Variants in TRIM44 observed in about 807,000 individuals in gnomAD.
The protein encoded by TRIM44 is tripartite motif containing 44, also known as tripartite motif-containing protein 44.
TRIM44 carries 13 observed loss-of-function variants against 37.4 expected under a neutral mutation model. That is an observed-to-expected ratio of 0.35 (90% CI 0.23 to 0.55). TRIM44 has a LOEUF of 0.55. Among genes scored for constraint, TRIM44 ranks in the 20% least tolerant of loss-of-function variants. The probability of loss-of-function intolerance (pLI) is 0.89; values close to 1 mark genes in which losing one functional copy is unlikely to be tolerated. For synonymous variants in TRIM44, 175 were observed against 157.2 expected (o/e 1.11, Z -0.85); for missense variants, 426 against 437.2 (o/e 0.97, Z 0.23).
At chr11:35,682,155 C>T (rs1834652965) in intron 1 of TRIM44, among the ~76,000 whole-genome samples, 1 of 151,914 alleles carries the variant, frequency 6.6e-6, no homozygotes, top group African/African-American at 2.4e-5. Context: ...CCGTACCACT[C>T]TTCAAGTACC....
chr11:35,794,318 C>T (rs1853254269), intron 4 of TRIM44, among the ~76,000 whole-genome samples: 1 of 152,244 alleles, frequency 6.6e-6, no homozygotes, highest in South Asian at 2.1e-4. Context: ...AGAATCCAAG[C>T]CTGCCTTGAG....
intron 4 of TRIM44, among the ~76,000 whole-genome samples, chr11:35,774,949 G>A (rs962846618): frequency 2.0e-5 from 3 of 152,118 alleles, no homozygotes; most frequent in East Asian, 1.9e-4. Context: ...TTGGCAATGT[G>A]GGCTCTTTTT....
chr11:35,665,767 G>A (rs536725197), intron 1 of TRIM44, among the ~76,000 whole-genome samples: 2 of 150,662 alleles, frequency 1.3e-5, no homozygotes, highest in Non-Finnish European at 3.0e-5. Flanking sequence ...GCTAATTTTT[G>A]TATTTTTTTT....
intron 1 of TRIM44, among the ~76,000 whole-genome samples, chr11:35,668,487 T>TA (rs2135482011): frequency 6.6e-6 from 1 of 152,360 alleles, no homozygotes; most frequent in South Asian, 2.1e-4. Context: ...GTTCCTGCAT[T>TA]AGTTTGCTGA....
At chr11:35,789,744 C>T (rs934115155) in intron 4 of TRIM44, among the ~76,000 whole-genome samples, 6 of 152,178 alleles carry the variant, frequency 3.9e-5, no homozygotes, top group Non-Finnish European at 7.3e-5. Context: ...GGCATATTCC[C>T]CTGGTGCTCC....
chr11:35,748,487 TCATAA>T (rs1295382466), intron 4 of TRIM44, among the ~76,000 whole-genome samples: 5 of 152,326 alleles, frequency 3.3e-5, no homozygotes, highest in African/African-American at 1.2e-4. Flanking sequence ...ATTAATATTC[TCATAA>T]CAGACTCAGA....
intron 2 of TRIM44, among the ~76,000 whole-genome samples, chr11:35,696,325 G>A (rs1178003298): frequency 6.6e-6 from 1 of 151,130 alleles, no homozygotes; most frequent in African/African-American, 2.4e-5. Flanking sequence ...TGTATTTTTA[G>A]TACAGACGGG....
At chr11:35,798,532 A>T (rs1476696679) in intron 4 of TRIM44, among the ~76,000 whole-genome samples, 1 of 152,198 alleles carries the variant, frequency 6.6e-6, no homozygotes, top group Non-Finnish European at 1.5e-5. Context: ...AAGCTGTTCT[A>T]AAAATTAAAG....
chr11:35,697,049 G>T (rs1461775224), intron 2 of TRIM44, among the ~76,000 whole-genome samples: 1 of 151,940 alleles, frequency 6.6e-6, no homozygotes, highest in Non-Finnish European at 1.5e-5. Flanking sequence ...TGACCATAAG[G>T]TGAGATTTTC....
intron 1 of TRIM44, among the ~76,000 whole-genome samples, chr11:35,682,883 A>G (rs1048854946): frequency 1.3e-5 from 2 of 152,126 alleles, no homozygotes; most frequent in Admixed American, 1.3e-4. Context: ...TGAAGGTTTT[A>G]AGACACAGTT....
intron 2 of TRIM44, among the ~76,000 whole-genome samples, chr11:35,724,652 T>C (rs1852148385): frequency 6.6e-6 from 1 of 152,264 alleles, no homozygotes; most frequent in Non-Finnish European, 1.5e-5. Context: ...TTTCTCACTT[T>C]GTTAGCCTTT....
At chr11:35,679,926 G>C (rs1424253713) in intron 1 of TRIM44, among the ~76,000 whole-genome samples, 1 of 152,156 alleles carries the variant, frequency 6.6e-6, no homozygotes, top group Non-Finnish European at 1.5e-5. Flanking sequence ...GGCAGTGCTA[G>C]TAGTAAAACC....
chr11:35,753,551 G>T (rs753604835), intron 4 of TRIM44, among the ~76,000 whole-genome samples: 7 of 152,068 alleles, frequency 4.6e-5, no homozygotes, highest in Non-Finnish European at 1.0e-4. Context: ...AACCATCTAG[G>T]AGCAGTTCTC....
At chr11:35,785,512 T>G (rs553332533) in intron 4 of TRIM44, among the ~76,000 whole-genome samples, 1 of 152,292 alleles carries the variant, frequency 6.6e-6, no homozygotes, top group East Asian at 1.9e-4. Flanking sequence ...GAGTCAGAAT[T>G]GTAGGAGGCT....
chr11:35,744,517 T>C (rs1564993436), intron 4 of TRIM44, among the ~76,000 whole-genome samples: 1 of 152,192 alleles, frequency 6.6e-6, no homozygotes, highest in Non-Finnish European at 1.5e-5. Flanking sequence ...CATTCACTGT[T>C]ATCTGAAATT....
At chr11:35,749,511 C>G (rs1852535531) in intron 4 of TRIM44, among the ~76,000 whole-genome samples, 1 of 152,108 alleles carries the variant, frequency 6.6e-6, no homozygotes, top group Non-Finnish European at 1.5e-5. Flanking sequence ...ATGGCAAAAC[C>G]CCGTCTCTAC....
chr11:35,670,779 ATT>A (rs1258624632), intron 1 of TRIM44, among the ~76,000 whole-genome samples: 1 of 152,148 alleles, frequency 6.6e-6, no homozygotes, highest in Non-Finnish European at 1.5e-5. Flanking sequence ...ACAGTTTTTC[ATT>A]TAATGCCAGA....
At chr11:35,748,006 T>C (rs1377254937) in intron 4 of TRIM44, among the ~76,000 whole-genome samples, 1 of 152,202 alleles carries the variant, frequency 6.6e-6, no homozygotes. Context: ...TACTAGCTTT[T>C]GGCACTCGTT....
At position 35,739,121 on chromosome 11, in the gene TRIM44, A is replaced by G. The variant is rs535889635; in HGVS notation, c.1007+3676A>G. Reference sequence around the variant, plus strand: ...TTTAGTCATGTCTGTTCCTTGCCCTAAATTTCATTGTGCAGTTATTCTGCT... The same window carrying G: ...TTTAGTCATGTCTGTTCCTTGCCCTGAATTTCATTGTGCAGTTATTCTGCT... On this transcript the variant is annotated intron_variant, in intron 4 of 4. Coordinates refer to ENST00000299413, the MANE Select transcript of TRIM44 (RefSeq NM_017583.6). Among the ~76,000 whole-genome samples the G allele has an allele frequency of 7.2e-5, 11 of 152,268 alleles. No homozygotes were observed. The East Asian group carries it at 1.7e-3, about 24-fold the overall frequency.
Sources: gnomAD v4.1 joint callset for allele counts (sites outside exome capture counted in the v4.1 genomes callset) on GRCh38, gnomAD v4.1.1 for gene constraint, MANE v1.5 for transcripts, NCBI Gene and HGNC (gene_info 2026-07-23, HGNC 2026-07-21) for gene names.